Variants in CEP170B observed in about 807,000 individuals in gnomAD.
The protein encoded by CEP170B is centrosomal protein of 170 kDa protein B.
Under a neutral mutation model 120.6 loss-of-function variants are expected in CEP170B, and 55 were observed. That is an observed-to-expected ratio of 0.46 (90% CI 0.37 to 0.57). The LOEUF (loss-of-function observed/expected upper bound fraction) is 0.57. Ranked by LOEUF, CEP170B falls within the 20% of genes least tolerant of loss-of-function variation. The pLI is 0.00. For synonymous variants in CEP170B, 1,033 were observed against 954.5 expected (o/e 1.08, Z -1.52); for missense variants, 2,212 against 2,253.3 (o/e 0.98, Z 0.37).
At chr14:104,871,196 T>C (rs1566851048) in intron 2 of CEP170B, among the ~76,000 whole-genome samples, 1 of 152,158 alleles carries the variant, frequency 6.6e-6, no homozygotes, top group Non-Finnish European at 1.5e-5. Flanking sequence ...CCACCTCTGC[T>C]CAGATGATCC....
chr14:104,884,089 G>A lies in CEP170B; in HGVS notation c.1310G>A (p.Gly437Asp), dbSNP rs1297822847. 1.9e-6 allele frequency: 3 copies of A among 1,592,590 alleles called. No individual in the cohort carries two copies. The highest frequency in any genetic ancestry group is 1.8e-5 in the Admixed American group (1 of 57,110). Residue 437 changes from glycine to aspartate, a missense_variant, in exon 9 of 19, where the codon GGC (glycine) becomes GAC (aspartate). By Grantham distance (94) the Gly-to-Asp change is moderately conservative (BLOSUM62 -1). Coordinates refer to ENST00000414716, the MANE Select transcript of CEP170B (RefSeq NM_001112726.3). ...SGDPKADKRRGPTPADRDRPS... is the reference protein window; with the variant it reads ...SGDPKADKRRDPTPADRDRPS... ...GACCCCAAGGCCGACAAGCGCCGTG[G>A]CCCAACGCCGGCCGATAGGGACCGC...
chr14:104,888,624 G>A (rs968815476), intron 12 of CEP170B, among the ~76,000 whole-genome samples: 6 of 152,238 alleles, frequency 3.9e-5, no homozygotes, highest in Non-Finnish European at 5.9e-5. Context: ...TCTGCAGAGC[G>A]GGGCCCACCC....
chr14:104,888,877 C>T (rs1375552878), intron 12 of CEP170B, among the ~76,000 whole-genome samples: 1 of 152,082 alleles, frequency 6.6e-6, no homozygotes, highest in East Asian at 1.9e-4. Flanking sequence ...GGCCGAGGGT[C>T]ACCCCTGCTT....
At position 104,868,885 on chromosome 14, in the gene CEP170B, G is replaced by A. The variant is rs1895331416; in HGVS notation, c.105+330G>A. On this transcript the variant is annotated intron_variant, in intron 2 of 18. Transcript: ENST00000414716. This position sits in a 1 kb window ranked among gnomAD's most constrained non-coding sequence, Gnocchi z 5.9. The stretch of plus-strand genomic sequence containing the variant: ...GAGTTGGCGTCCTTTTGCAGAGAGG[G>A]AGCTGAGGCTGGGCTTTGGAAGGTC... 6.6e-6 allele frequency among the ~76,000 whole-genome samples: 1 copy of A among 152,156 alleles called. No individual in the cohort carries two copies. Among genetic ancestry groups the A allele is most frequent in the African/African-American group, 2.4e-5 (1 of 41,422 alleles).
chr14:104,891,937 G>A lies in CEP170B; in HGVS notation c.3879-1039G>A, dbSNP rs778314408. Among the ~76,000 whole-genome samples the A allele has an allele frequency of 3.3e-5, 5 of 152,200 alleles. No homozygotes were observed. The highest frequency in any genetic ancestry group is 7.3e-5 in the Non-Finnish European group (5 of 68,030). Reference sequence around the variant, plus strand: ...ATGGGGCCAGGGCAGCCAGTGGGATGTGCAAGGCCATCTGGGCAGAGGGTG... The same window carrying A: ...ATGGGGCCAGGGCAGCCAGTGGGATATGCAAGGCCATCTGGGCAGAGGGTG... On this transcript the variant is annotated intron_variant, in intron 13 of 18. Coordinates refer to ENST00000414716, the MANE Select transcript of CEP170B (RefSeq NM_001112726.3). The surrounding 1 kb of genome is among the most constrained non-coding windows in gnomAD (Gnocchi z 4.3).
chr14:104,872,697 C>G (rs557639610), intron 2 of CEP170B, among the ~76,000 whole-genome samples: 6 of 152,106 alleles, frequency 3.9e-5, no homozygotes, highest in Non-Finnish European at 8.8e-5. Flanking sequence ...CCCCGTGCAT[C>G]GAGCCGGTCT....
chr14:104,865,792 T>G lies in CEP170B; in HGVS notation c.-28+279T>G, dbSNP rs999974302. ...CCCCGCCCCGGCACCGGCTCGGCCA[T>G]GGCCGCCCCCGGAGAGCGCTGATTC... On this transcript the variant is annotated intron_variant, in intron 1 of 18. Transcript: ENST00000414716. The surrounding 1 kb of genome is among the most constrained non-coding windows in gnomAD (Gnocchi z 6.7). Among the ~76,000 whole-genome samples the G allele has an allele frequency of 2.9e-4, 44 of 151,938 alleles. No individual in the cohort carries two copies. The highest frequency in any genetic ancestry group is 1.1e-3 in the African/African-American group (44 of 41,396).
At chr14:104,880,719 C>T (rs1191838264) in intron 6 of CEP170B, among the ~76,000 whole-genome samples, 2 of 151,674 alleles carry the variant, frequency 1.3e-5, no homozygotes, top group Admixed American at 6.6e-5. Flanking sequence ...TATACACACC[C>T]TACTCATGCA....
rs1426418148 is a variant in CEP170B at position 104,870,755 on chromosome 14, C to T, written c.105+2200C>T. The stretch of plus-strand genomic sequence containing the variant: ...GTGTTGGGGGCTTCCCAGCTCTCCT[C>T]AGTGGCCGCCCCTGGCCTGGGTGGG... On this transcript the variant is annotated intron_variant, in intron 2 of 18. Transcript: ENST00000414716. This position sits in a 1 kb window ranked among gnomAD's most constrained non-coding sequence, Gnocchi z 4.1. Among the ~76,000 whole-genome samples, 1 of 152,180 alleles carries T rather than the reference C, an allele frequency of 6.6e-6. No homozygotes were observed. Among genetic ancestry groups the T allele is most frequent in the Non-Finnish European group, 1.5e-5 (1 of 68,022 alleles).
intron 12 of CEP170B, 82 bp downstream of exon 12, chr14:104,888,060 C>A: frequency 7.2e-7 from 1 of 1,379,776 alleles, no homozygotes; most frequent in Non-Finnish European, 9.5e-7. Flanking sequence ...CAGCTGAGTG[C>A]TGGCCGTGGG....
Position 104,867,319 on chromosome 14 carries a change from G to T in CEP170B, c.-27-1105G>T, listed in dbSNP as rs1008181323. 3.3e-5 allele frequency among the ~76,000 whole-genome samples: 5 copies of T among 152,256 alleles called. No homozygotes were observed. The East Asian group carries it at 7.7e-4, about 24-fold the overall frequency. On this transcript the variant is annotated intron_variant, in intron 1 of 18. Coordinates refer to ENST00000414716, the MANE Select transcript of CEP170B (RefSeq NM_001112726.3). The surrounding 1 kb of genome is among the most constrained non-coding windows in gnomAD (Gnocchi z 5.4). ...GGCTCACTTCCACCCCTGTCCTGCTGAGCCTGGAGGCTGCCTCCCAGTGAG... is the reference window on the plus strand; with the variant it reads ...GGCTCACTTCCACCCCTGTCCTGCTTAGCCTGGAGGCTGCCTCCCAGTGAG...
At position 104,889,878 on chromosome 14, in the gene CEP170B, A is replaced by G. The variant is rs576953551; in HGVS notation, c.3878+120A>G. On this transcript the variant is annotated intron_variant, in intron 13 of 18. Coordinates refer to ENST00000414716, the MANE Select transcript of CEP170B (RefSeq NM_001112726.3). ...CTTGAGTGGATAGATGGTACGGCAGATGGCTGGCTGGCTGGATGGATGGAC... is the reference window on the plus strand; with the variant it reads ...CTTGAGTGGATAGATGGTACGGCAGGTGGCTGGCTGGCTGGATGGATGGAC... The G allele has an allele frequency of 2.0e-3, 2,087 of 1,027,446 alleles. 11 individuals carry two copies. The highest frequency in any genetic ancestry group is 2.5e-3 in the Non-Finnish European group (1,796 of 713,694). 63.6% of individuals were successfully genotyped at this position (1,027,446 alleles called of 1,614,324 possible).
chr14:104,889,275 T>G (rs960503246), intron 12 of CEP170B, among the ~76,000 whole-genome samples: 6 of 152,132 alleles, frequency 3.9e-5, no homozygotes, highest in Non-Finnish European at 7.4e-5. Context: ...TTGCAGCCAC[T>G]GGCCTGGGAG....
At chr14:104,882,928 C>T (rs1365309633) in intron 7 of CEP170B, 96 bp downstream of exon 7, 5 of 1,453,108 alleles carry the variant, frequency 3.4e-6, no homozygotes, top group African/African-American at 1.4e-5. Flanking sequence ...CTCCGGGGGA[C>T]ATGGGGCCTG....
chr14:104,883,671 C>G (rs1896285155), intron 8 of CEP170B, among the ~76,000 whole-genome samples, 160 bp from the exon 9 acceptor site: 1 of 152,204 alleles, frequency 6.6e-6, no homozygotes, highest in African/African-American at 2.4e-5. Context: ...GAGTCCGGTC[C>G]TGCGTCTTCC....
In CEP170B at chr14:104,887,309, G is replaced by A. The variant is rs760045163; in HGVS notation, c.3070G>A (p.Glu1024Lys). Residue 1024 changes from glutamate (E) to lysine (K), a missense_variant, in exon 12 of 19, where the codon GAG becomes AAG. Glu to Lys is a moderately conservative substitution (Grantham distance 56). Coordinates refer to ENST00000414716, the MANE Select transcript of CEP170B (RefSeq NM_001112726.3). ...TGGCCCGACGGACATGGGCCGTGGAGAGCCGGTACGGCGCTCAGCCATAAG... is the reference window on the plus strand; with the variant it reads ...TGGCCCGACGGACATGGGCCGTGGAAAGCCGGTACGGCGCTCAGCCATAAG... The part of the protein sequence containing the change: ...PLGPTDMGRG[E>K]PVRRSAIRRG... 6.2e-7 allele frequency: 1 copy of A among 1,610,386 alleles called. No homozygotes were observed. The highest frequency in any genetic ancestry group is 1.7e-5 in the Admixed American group (1 of 59,760).
intron 13 of CEP170B, 53 bp from the exon 14 acceptor site, chr14:104,892,923 T>C (rs1595361401): frequency 1.0e-5 from 16 of 1,543,518 alleles, no homozygotes; most frequent in Non-Finnish European, 1.3e-5. Context: ...GTCTGGCCCC[T>C]GCTGCCCCGA....
intron 2 of CEP170B, among the ~76,000 whole-genome samples, chr14:104,874,176 C>T (rs1312963511): frequency 6.6e-6 from 1 of 152,110 alleles, no homozygotes; most frequent in Non-Finnish European, 1.5e-5. Context: ...TGGGGGTCGC[C>T]TGTGTCTGGA....
intron 12 of CEP170B, among the ~76,000 whole-genome samples, chr14:104,889,102 CCTTG>C: frequency 6.6e-6 from 1 of 152,352 alleles, no homozygotes; most frequent in African/African-American, 2.4e-5. Flanking sequence ...ACTGCAGTGG[CCTTG>C]CTTGCGCTCT....
Sources: gnomAD v4.1 joint callset for allele counts (sites outside exome capture counted in the v4.1 genomes callset) on GRCh38, gnomAD v4.1.1 for gene constraint, Gnocchi (gnomAD v3.1) non-coding constraint, MANE v1.5 for transcripts, NCBI Gene and HGNC (gene_info 2026-07-23, HGNC 2026-07-21) for gene names.